Variants in TENM4 observed in about 807,000 individuals in gnomAD.
The protein encoded by TENM4 is teneurin-4.
TENM4 carries 82 observed loss-of-function variants against 243.3 expected under a neutral mutation model. The ratio of observed to expected loss-of-function variants is 0.34; its 90% CI spans 0.28 to 0.40. The LOEUF is 0.40. TENM4 is among the 10% of genes least tolerant of loss of function. The pLI is 1.00. For missense variants in TENM4, 3,138 were observed against 3,673.3 expected (o/e 0.85, Z 3.77); for synonymous variants, 1,412 against 1,456.3 (o/e 0.97, Z 0.69).
At chr11:79,144,460 T>G (rs1164541233) in intron 4 of TENM4, among the ~76,000 whole-genome samples, 1 of 152,056 alleles carries the variant, frequency 6.6e-6, no homozygotes, top group Non-Finnish European at 1.5e-5. Context: ...ATCAGTATAT[T>G]GAAGAGATAT....
intron 6 of TENM4, among the ~76,000 whole-genome samples, chr11:79,028,719 G>A (rs1386644481): frequency 6.6e-6 from 1 of 152,200 alleles, no homozygotes; most frequent in East Asian, 1.9e-4. Flanking sequence ...GGTAGAATCT[G>A]GGTGATACAC....
chr11:79,198,447 G>C (rs10899605), intron 3 of TENM4, among the ~76,000 whole-genome samples: 38,332 of 152,186 alleles, frequency 0.25, 5,406 homozygotes, highest in Non-Finnish European at 0.31. Flanking sequence ...CAGTCAGCCA[G>C]GTTGGGGAGC....
chr11:79,105,767 A>C (rs1193355553), intron 4 of TENM4, among the ~76,000 whole-genome samples: 1 of 152,176 alleles, frequency 6.6e-6, no homozygotes, highest in African/African-American at 2.4e-5. Flanking sequence ...CAGATGACTA[A>C]AGGGCTGACT....
At chr11:78,992,921 T>G (rs1046499849) in intron 6 of TENM4, among the ~76,000 whole-genome samples, 4 of 152,210 alleles carry the variant, frequency 2.6e-5, no homozygotes, top group Non-Finnish European at 5.9e-5. Context: ...AATATTATTA[T>G]TCTGAAAGGG....
chr11:78,722,520 T>G, intron 24 of TENM4, 148 bp downstream of exon 24: 1 of 1,091,878 alleles, frequency 9.2e-7, no homozygotes, highest in Non-Finnish European at 1.3e-6. Flanking sequence ...CAGCACCTGC[T>G]TGAGCTGGGA....
intron 7 of TENM4, among the ~76,000 whole-genome samples, chr11:78,899,571 G>GGGGGGAGAA (rs1565430077): frequency 1.3e-5 from 1 of 79,378 alleles, no homozygotes; most frequent in African/African-American, 4.2e-5. Flanking sequence ...GGGGGGGGGG[G>GGGGGGAGAA]AAAAAGAAAA....
chr11:79,124,830 T>C (rs1861833358), intron 4 of TENM4, among the ~76,000 whole-genome samples: 2 of 145,288 alleles, frequency 1.4e-5, no homozygotes, highest in Non-Finnish European at 3.0e-5. Flanking sequence ...TATATGTATG[T>C]GTGTGTATAT....
At chr11:79,309,919 G>C (rs1475826453) in intron 1 of TENM4, among the ~76,000 whole-genome samples, 2 of 152,176 alleles carry the variant, frequency 1.3e-5, no homozygotes, top group Non-Finnish European at 2.9e-5. Flanking sequence ...GGCCATGTCA[G>C]ACTTGACTGC....
In TENM4 at chr11:79,192,576, C is replaced by G. The variant is rs182451881; in HGVS notation, c.-163+23232G>C. 7.9e-5 allele frequency among the ~76,000 whole-genome samples: 12 copies of G among 151,778 alleles called. No homozygotes were observed. In the South Asian group the frequency reaches 1.0e-3, roughly 13 times the overall value. ...AACAGATGCTTGAAGGCAGCATGCT[C>G]GTTTAAGAGTCATCACCACTCCCTA... is the stretch of plus-strand genomic sequence containing the variant. On this transcript the variant is annotated intron_variant, in intron 3 of 33. Coordinates refer to ENST00000278550, the MANE Select transcript of TENM4 (RefSeq NM_001098816.3).
intron 14 of TENM4, among the ~76,000 whole-genome samples, chr11:78,811,573 C>G (rs1239454546): frequency 1.6e-4 from 11 of 67,630 alleles, no homozygotes; most frequent in Non-Finnish European, 3.8e-4. Context: ...CACATGAACA[C>G]ACACACACAC....
chr11:78,739,216 G>A (rs1855867652), intron 19 of TENM4, among the ~76,000 whole-genome samples: 1 of 152,020 alleles, frequency 6.6e-6, no homozygotes, highest in Non-Finnish European at 1.5e-5. Context: ...CTATATTTTG[G>A]ACAAGAAATT....
At chr11:78,868,655 A>G (rs1342668672) in intron 9 of TENM4, among the ~76,000 whole-genome samples, 1 of 152,356 alleles carries the variant, frequency 6.6e-6, no homozygotes, top group Admixed American at 6.5e-5. Context: ...CCCGGCCAGC[A>G]GGAGGCAATT....
intron 1 of TENM4, among the ~76,000 whole-genome samples, chr11:79,406,404 G>C (rs1200747086): frequency 6.6e-6 from 1 of 152,188 alleles, no homozygotes; most frequent in Non-Finnish European, 1.5e-5. Context: ...GGTGAATACT[G>C]TTGCCTCCTC....
intron 1 of TENM4, among the ~76,000 whole-genome samples, chr11:79,372,507 A>G (rs1857807609): frequency 6.6e-6 from 1 of 152,176 alleles, no homozygotes; most frequent in Admixed American, 6.5e-5. Flanking sequence ...CTCAGCTGCT[A>G]TCCTTACTAA....
chr11:78,888,070 T>C (rs750610584), intron 9 of TENM4, among the ~76,000 whole-genome samples: 7 of 152,214 alleles, frequency 4.6e-5, no homozygotes, highest in Non-Finnish European at 7.3e-5. Flanking sequence ...TATACAACCC[T>C]CATTGGTAAC....
At chr11:79,399,146 C>T (rs1349590020) in intron 1 of TENM4, among the ~76,000 whole-genome samples, 5 of 152,148 alleles carry the variant, frequency 3.3e-5, no homozygotes, top group African/African-American at 1.2e-4. Context: ...CTCACCCACC[C>T]AAATGATTCC....
intron 6 of TENM4, among the ~76,000 whole-genome samples, chr11:78,952,397 A>G (rs568701475): frequency 1.3e-3 from 201 of 152,362 alleles, no homozygotes; most frequent in African/African-American, 4.7e-3. Context: ...AGCTGCCAGC[A>G]GCGGGAAACC....
At chr11:79,298,840 T>C (rs917612874) in intron 1 of TENM4, among the ~76,000 whole-genome samples, 1 of 152,184 alleles carries the variant, frequency 6.6e-6, no homozygotes, top group Admixed American at 6.5e-5. Flanking sequence ...CTACTATCAT[T>C]TACTAATTTT....
intron 4 of TENM4, among the ~76,000 whole-genome samples, chr11:79,084,173 C>A (rs145038370): frequency 6.0e-4 from 91 of 152,250 alleles, no homozygotes; most frequent in African/African-American, 2.2e-3. Context: ...TGAGCTATCA[C>A]CATACACCTA....
Sources: allele counts gnomAD v4.1 joint callset (sites outside exome capture counted in the v4.1 genomes callset), GRCh38; gene constraint gnomAD v4.1.1; transcripts MANE v1.5; gene names NCBI Gene and HGNC (gene_info 2026-07-23, HGNC 2026-07-21).